MAP4K3: variants seen among roughly 807,000 people sequenced by gnomAD.
MAP4K3 encodes mitogen-activated protein kinase kinase kinase kinase 3.
A neutral mutation model predicts 143.5 loss-of-function variants in MAP4K3; 94 were observed. The observed-to-expected ratio is 0.65, with a 90% CI of 0.55 to 0.78. The LOEUF is 0.78. Ranked by LOEUF, MAP4K3 falls within the 30% of genes least tolerant of loss-of-function variation. MAP4K3 has a pLI of 0.00. For synonymous variants in MAP4K3, 416 were observed against 347.2 expected, an observed-to-expected ratio of 1.20 and a Z score of -2.20; for missense variants, 1,077 against 1,068.1, an observed-to-expected ratio of 1.01 and a Z score of -0.12.
In MAP4K3 at chr2:39,333,948, T is replaced by C. The variant is rs575612349; in HGVS notation, c.415-374A>G. ...TTACATTACACTTTAAACTTGATTATTGTTTCCCATTTTTGTGTGTGTGTG... is the reference window on the plus strand; with the variant it reads ...TTACATTACACTTTAAACTTGATTACTGTTTCCCATTTTTGTGTGTGTGTG... On this transcript the variant is annotated intron_variant, in intron 6 of 33. Coordinates refer to ENST00000263881, the MANE Select transcript of MAP4K3 (RefSeq NM_003618.4). Among the ~76,000 whole-genome samples the C allele has an allele frequency of 1.0e-4, 15 of 148,470 alleles. 1 individual carries two copies. The East Asian group carries it at 2.0e-3, about 20-fold the overall frequency.
intron 23 of MAP4K3, among the ~76,000 whole-genome samples, chr2:39,279,406 A>G (rs150631485): frequency 2.0e-5 from 3 of 152,332 alleles, no homozygotes; most frequent in South Asian, 4.1e-4. Flanking sequence ...CCTATGACAT[A>G]AAAGTACTCA....
chr2:39,333,433 G>T, intron 7 of MAP4K3, 99 bp downstream of exon 7: 1 of 872,110 alleles, frequency 1.1e-6, no homozygotes, highest in Non-Finnish European at 1.9e-6. Flanking sequence ...CACAGATGCC[G>T]TCTTAGGAGA....
chr2:39,366,574 T>G lies in MAP4K3; in HGVS notation c.155-10235A>C, dbSNP rs74855905. 3.4e-3 allele frequency among the ~76,000 whole-genome samples: 513 copies of G among 152,334 alleles called. 4 individuals are homozygous for G. The highest frequency in any genetic ancestry group is 0.012 in the African/African-American group (490 of 41,574). On this transcript the variant is annotated intron_variant, in intron 2 of 33. Coordinates refer to ENST00000263881, the MANE Select transcript of MAP4K3 (RefSeq NM_003618.4). ...AAAGGGAAGAGGGCGTAGTTCCACC[T>G]CTGCTTCCATCATGGCCTGAATTTT...
chr2:39,300,228 C>G (rs1281314409), intron 15 of MAP4K3, among the ~76,000 whole-genome samples: 1 of 152,144 alleles, frequency 6.6e-6, no homozygotes, highest in Non-Finnish European at 1.5e-5. Flanking sequence ...TCACATATTT[C>G]TACTGCTGTT....
intron 8 of MAP4K3, among the ~76,000 whole-genome samples, chr2:39,330,012 A>G (rs1213078108): frequency 1.3e-5 from 2 of 152,124 alleles, no homozygotes; most frequent in Admixed American, 6.6e-5. Context: ...TAGAGAAAAT[A>G]TAAGAAAATT....
intron 1 of MAP4K3, among the ~76,000 whole-genome samples, chr2:39,412,848 C>A (rs1243501665): frequency 6.6e-6 from 1 of 151,726 alleles, no homozygotes; most frequent in Non-Finnish European, 1.5e-5. Flanking sequence ...AAAAAAAAAA[C>A]CTTAAAAACT....
chr2:39,379,608 T>A (rs1202929772), intron 1 of MAP4K3: 1 of 155,990 alleles, frequency 6.4e-6, no homozygotes, highest in East Asian at 1.9e-4. Flanking sequence ...GGTGTAATAG[T>A]CATAAAGCTT....
At chr2:39,330,521 T>C (rs1031659705) in intron 8 of MAP4K3, among the ~76,000 whole-genome samples, 5 of 152,028 alleles carry the variant, frequency 3.3e-5, no homozygotes, top group African/African-American at 7.2e-5. Flanking sequence ...AAGAAAGGAA[T>C]GCTAAGCTGA....
chr2:39,319,219 C>A lies in MAP4K3; in HGVS notation c.919-3831G>T, dbSNP rs1374824368. 2.0e-5 allele frequency among the ~76,000 whole-genome samples: 3 copies of A among 152,050 alleles called. No homozygotes were observed. The East Asian group carries it at 5.8e-4, about 29-fold the overall frequency. ...CTCATCTTTTTCAAGTATATACACT[C>A]AATTACATACTTTTTTTTTTTTTAA... On this transcript the variant is annotated intron_variant, in intron 12 of 33. Coordinates refer to ENST00000263881, the MANE Select transcript of MAP4K3 (RefSeq NM_003618.4).
intron 1 of MAP4K3, among the ~76,000 whole-genome samples, chr2:39,418,435 AAT>A (rs1339635881): frequency 6.6e-6 from 1 of 152,212 alleles, no homozygotes; most frequent in African/African-American, 2.4e-5. Flanking sequence ...AATTTCAAGT[AAT>A]TTACGAAGCT....
chr2:39,276,072 C>G (rs1294199510), intron 24 of MAP4K3, among the ~76,000 whole-genome samples: 1 of 152,022 alleles, frequency 6.6e-6, no homozygotes, highest in Non-Finnish European at 1.5e-5. Context: ...GGGGTTTCAC[C>G]TTATTTGTTA....
chr2:39,365,430 A>ATTTTTTT (rs151026787), intron 2 of MAP4K3, among the ~76,000 whole-genome samples: 2 of 87,926 alleles, frequency 2.3e-5, no homozygotes. Flanking sequence ...CGCCATAGTA[A>ATTTTTTT]TTTTTTTTTT....
chr2:39,314,000 A>G (rs1000688842), intron 13 of MAP4K3, among the ~76,000 whole-genome samples: 1 of 152,240 alleles, frequency 6.6e-6, no homozygotes, highest in Non-Finnish European at 1.5e-5. Flanking sequence ...CTGAATATAT[A>G]AAGTTTTCTA....
intron 27 of MAP4K3, among the ~76,000 whole-genome samples, chr2:39,266,197 G>C (rs889942805): frequency 6.6e-6 from 1 of 152,112 alleles, no homozygotes; most frequent in Non-Finnish European, 1.5e-5. Context: ...ACCCAACCTT[G>C]TCATCCTCTT....
At chr2:39,386,745 T>C (rs1666515433) in intron 1 of MAP4K3, among the ~76,000 whole-genome samples, 2 of 152,078 alleles carry the variant, frequency 1.3e-5, no homozygotes, top group South Asian at 2.1e-4. Context: ...TGTTGATCTA[T>C]ATTGATCTAG....
Position 39,326,221 on chromosome 2 carries a change from TCA to T in MAP4K3, c.585_586del (p.Cys195Ter). ...GGCAGTGATTCCCACTGCCCAGAGA[TCA>T]CAGAGTTGATTGTAACCCCCCTTCC... On this transcript the variant is annotated stop_gained and frameshift_variant, in exon 9 of 34. Coordinates refer to ENST00000263881, the MANE Select transcript of MAP4K3 (RefSeq NM_003618.4). LOFTEE classifies it high-confidence loss of function. 1 of 1,613,976 alleles carries T rather than the reference TCA, an allele frequency of 6.2e-7. No homozygotes were observed. Among genetic ancestry groups the T allele is most frequent in the Non-Finnish European group, 8.5e-7 (1 of 1,179,934 alleles).
chr2:39,363,828 T>C (rs1486136227), intron 2 of MAP4K3, among the ~76,000 whole-genome samples: 3 of 151,680 alleles, frequency 2.0e-5, no homozygotes, highest in East Asian at 1.9e-4. Context: ...GTAATCATAC[T>C]GGGGATTTTT....
chr2:39,364,584 T>C (rs781583552), intron 2 of MAP4K3, among the ~76,000 whole-genome samples: 1 of 152,152 alleles, frequency 6.6e-6, no homozygotes, highest in Admixed American at 6.5e-5. Context: ...ACGTGTAAGG[T>C]GGGCCAGGTG....
intron 1 of MAP4K3, among the ~76,000 whole-genome samples, chr2:39,431,447 G>A (rs1300830096): frequency 6.6e-6 from 1 of 152,060 alleles, no homozygotes; most frequent in Non-Finnish European, 1.5e-5. Flanking sequence ...TCTTAATGAG[G>A]GTCCCCAAAA....
Sources: gnomAD v4.1 joint callset for allele counts (sites outside exome capture counted in the v4.1 genomes callset) on GRCh38, gnomAD v4.1.1 for gene constraint, MANE v1.5 for transcripts, NCBI Gene and HGNC (gene_info 2026-07-23, HGNC 2026-07-21) for gene names.